OOSP2: variants seen among roughly 807,000 people sequenced by gnomAD.
OOSP2 encodes the protein oocyte secreted protein 2, also known as oocyte-secreted protein 2.
OOSP2 carries 7 observed loss-of-function variants against 13.4 expected under a neutral mutation model. The observed-to-expected ratio is 0.52, with a 90% confidence interval of 0.30 to 0.98. The LOEUF is 0.98. Among genes scored for constraint, OOSP2 ranks in the 50% least tolerant of loss-of-function variants. The probability of loss-of-function intolerance (pLI) is 0.07; values close to 1 mark genes in which losing one functional copy is unlikely to be tolerated. For synonymous variants in OOSP2, 75 were observed against 67.2 expected (o/e 1.12, Z -0.57); for missense variants, 184 against 188.5 (o/e 0.98, Z 0.14).
intron 2 of OOSP2, among the ~76,000 whole-genome samples, chr11:60,043,969 C>T (rs976523260): frequency 1.3e-5 from 2 of 152,198 alleles, no homozygotes; most frequent in African/African-American, 2.4e-5. Flanking sequence ...TCTTGGGAAG[C>T]TCCATCATGT....
At chr11:60,042,517 A>G (rs767226673) in intron 1 of OOSP2, among the ~76,000 whole-genome samples, 2 of 152,204 alleles carry the variant, frequency 1.3e-5, no homozygotes, top group East Asian at 3.8e-4. Context: ...TGTACCTTTT[A>G]ATGCTGAAAA....
chr11:60,045,823 TCTTCC>T (rs1855000523), intron 3 of OOSP2, among the ~76,000 whole-genome samples: 1 of 152,230 alleles, frequency 6.6e-6, no homozygotes. Flanking sequence ...ATACTTTTAC[TCTTCC>T]CTTTAACTTA....
chr11:60,042,987 C>T (rs1854956260), intron 1 of OOSP2, among the ~76,000 whole-genome samples: 1 of 152,024 alleles, frequency 6.6e-6, no homozygotes, highest in Non-Finnish European at 1.5e-5. Context: ...TCACTGCAAG[C>T]CCCGCCTCCT....
In OOSP2 at chr11:60,042,402, G is replaced by T. The variant is rs146991450; in HGVS notation, c.65-1067G>T. 3.1e-3 allele frequency among the ~76,000 whole-genome samples: 479 copies of T among 152,300 alleles called. 2 individuals carry two copies. The highest frequency in any genetic ancestry group is 0.01 in the African/African-American group (424 of 41,568). ...TTTGCCTCTACACCTTTTCTGAAAT[G>T]TGCATTGTCTTACCTTGTTGATGAT... On this transcript the variant is annotated intron_variant, in intron 1 of 3. Coordinates refer to ENST00000278855, the MANE Select transcript of OOSP2 (RefSeq NM_173801.5).
In OOSP2 at chr11:60,047,382, T is replaced by C. The variant is rs1161735214; in HGVS notation, c.*309T>C. 1 of 178,536 alleles carries C rather than the reference T, an allele frequency of 5.6e-6. No individual in the cohort carries two copies. The highest frequency in any genetic ancestry group is 2.4e-5 in the African/African-American group (1 of 42,526). The allele number at this position is 178,536 out of a possible 1,614,324, so 11.1% of individuals were successfully genotyped here. Reference sequence around the variant, plus strand: ...CTTCAAAGACAATGACTTGATCTAATTGATAAGAACCTCCAATAAATATGT... The same window carrying C: ...CTTCAAAGACAATGACTTGATCTAACTGATAAGAACCTCCAATAAATATGT... On this transcript the variant is annotated 3_prime_UTR_variant, in exon 4 of 4. Transcript: ENST00000278855.
At chr11:60,042,473 C>T (rs1445629966) in intron 1 of OOSP2, among the ~76,000 whole-genome samples, 2 of 152,168 alleles carry the variant, frequency 1.3e-5, no homozygotes, top group South Asian at 2.1e-4. Flanking sequence ...TGGTGGAGTC[C>T]TCTGTGGCCA....
At chr11:60,043,723 T>TA (rs1340898905) in intron 2 of OOSP2, 76 bp downstream of exon 2, 5 of 792,280 alleles carry the variant, frequency 6.3e-6, no homozygotes, top group Non-Finnish European at 1.0e-5. Flanking sequence ...AATTGTCTTT[T>TA]AAAAAAATAA....
intron 1 of OOSP2, among the ~76,000 whole-genome samples, chr11:60,042,416 CTTG>C (rs1854947385): frequency 6.6e-6 from 1 of 152,126 alleles, no homozygotes; most frequent in Non-Finnish European, 1.5e-5. Context: ...ATTGTCTTAC[CTTG>C]TTGATGATTT....
Position 60,047,163 on chromosome 11 carries a change from A to T in OOSP2, c.*90A>T. 1 of 1,079,506 alleles carries T rather than the reference A, an allele frequency of 9.3e-7. No individual in the cohort carries two copies. Among genetic ancestry groups the T allele is most frequent in the Admixed American group, 2.3e-5 (1 of 44,238 alleles). The allele number at this position is 1,079,506 out of a possible 1,614,324, so 66.9% of individuals were successfully genotyped here. A position where few individuals can be genotyped will look rare whatever the true frequency, so the allele number is the denominator to read the frequency against. On this transcript the variant is annotated 3_prime_UTR_variant, in exon 4 of 4. Transcript: ENST00000278855. ...TTCATAGCAAAAATATAGTTGGTGTATATCTCTCCTTAAGTCTCTGGTTTC... is the reference window on the plus strand; with the variant it reads ...TTCATAGCAAAAATATAGTTGGTGTTTATCTCTCCTTAAGTCTCTGGTTTC...
At chr11:60,046,887 A>C in intron 3 of OOSP2, 57 bp from the exon 4 acceptor site, 1 of 1,474,328 alleles carries the variant, frequency 6.8e-7, no homozygotes, top group Non-Finnish European at 9.5e-7. Context: ...CAGTGGTAAA[A>C]CTGACTTGAT....
intron 1 of OOSP2, among the ~76,000 whole-genome samples, chr11:60,042,546 G>T (rs1468118456): frequency 6.6e-6 from 1 of 152,106 alleles, no homozygotes; most frequent in Admixed American, 6.5e-5. Flanking sequence ...TCCTCCAAAT[G>T]AATCTATTGC....
intron 1 of OOSP2, among the ~76,000 whole-genome samples, chr11:60,040,740 C>T (rs944151785): frequency 6.6e-6 from 1 of 152,156 alleles, no homozygotes; most frequent in African/African-American, 2.4e-5. Flanking sequence ...TTCTCTCTCT[C>T]TCTGTTTTGG....
At chr11:60,046,219 C>CTCTG (rs149961943) in intron 3 of OOSP2, among the ~76,000 whole-genome samples, 33,807 of 151,704 alleles carry the variant, frequency 0.22, 4,357 homozygotes, top group East Asian at 0.41. Flanking sequence ...CTGTCTCTCT[C>CTCTG]TCTTTCTCCC....
chr11:60,046,122 T>C (rs1855005133), intron 3 of OOSP2, among the ~76,000 whole-genome samples: 1 of 151,456 alleles, frequency 6.6e-6, no homozygotes, highest in South Asian at 2.1e-4. Flanking sequence ...GGTCTGTCCC[T>C]GTCTCTCTGG....
At chr11:60,044,589 T>C (rs1854985456) in intron 2 of OOSP2, 82 bp from the exon 3 acceptor site, 2 of 605,036 alleles carry the variant, frequency 3.3e-6, no homozygotes, top group Admixed American at 5.3e-5. Context: ...AGATCATGAA[T>C]GTTTTTTACA....
Position 60,045,200 on chromosome 11 carries a change from G to GA in OOSP2, c.347+430dup, listed in dbSNP as rs576132241. Among the ~76,000 whole-genome samples, 452 of 152,166 alleles carry GA rather than the reference G, an allele frequency of 3.0e-3. 7 individuals carry two copies. The highest frequency in any genetic ancestry group is 0.011 in the African/African-American group (439 of 41,510). On this transcript the variant is annotated intron_variant, in intron 3 of 3. Transcript: ENST00000278855. ...TAAGAGTAAGTGGCTAAAAACATAA[G>GA]AAAATCAGTCCTTCATTTAATACTA...
At chr11:60,044,478 C>T (rs1449997936) in intron 2 of OOSP2, among the ~76,000 whole-genome samples, 193 bp from the exon 3 acceptor site, 1 of 152,180 alleles carries the variant, frequency 6.6e-6, no homozygotes, top group Non-Finnish European at 1.5e-5. Context: ...TTGTTTTGCC[C>T]CCAGGCATTT....
chr11:60,046,976 A>T lies in OOSP2; in HGVS notation c.380A>T (p.Glu127Val), dbSNP rs1855015562. The change falls in exon 4 of 4, where the codon GAG becomes GTG. Residue 127 changes from glutamate to valine, a missense_variant. Physicochemically the swap from Glu to Val is moderately radical, Grantham distance 121. Coordinates refer to ENST00000278855, the MANE Select transcript of OOSP2 (RefSeq NM_173801.5). ...KSVWLTPVST[E>V]NEIKLDPSPF... is the part of the protein sequence containing the mutation. The stretch of plus-strand genomic sequence containing the variant: ...GTGTGGCTTACACCAGTTTCTACTG[A>T]GAATGAAATAAAATTGGATCCTAGT... 4 of 1,609,246 alleles carry T rather than the reference A, an allele frequency of 2.5e-6. No homozygotes were observed. Among genetic ancestry groups the T allele is most frequent in the Non-Finnish European group, 3.4e-6 (4 of 1,175,624 alleles).
At position 60,044,706 on chromosome 11, in the gene OOSP2, G is replaced by T. The variant is rs1330353824; in HGVS notation, c.279G>T (p.Glu93Asp). The change falls in exon 3 of 4, where the codon GAG (glutamate) becomes GAT (aspartate). Residue 93 changes from glutamate to aspartate, a missense_variant. Glu to Asp is a conservative substitution (Grantham distance 45). Coordinates refer to ENST00000278855, the MANE Select transcript of OOSP2 (RefSeq NM_173801.5). ...VSEETLLFQTELYFTPRNIDH... is the reference protein window; with the variant it reads ...VSEETLLFQTDLYFTPRNIDH... Reference sequence around the variant, plus strand: ...AGGAAACTCTCCTTTTTCAAACCGAGCTGTACTTTACCCCAAGGAATATAG... The same window carrying T: ...AGGAAACTCTCCTTTTTCAAACCGATCTGTACTTTACCCCAAGGAATATAG... The T allele has an allele frequency of 1.2e-6, 2 of 1,602,028 alleles. No homozygotes were observed. Among genetic ancestry groups the T allele is most frequent in the Non-Finnish European group, 1.7e-6 (2 of 1,170,104 alleles).
Sources: gnomAD v4.1 joint callset for allele counts (sites outside exome capture counted in the v4.1 genomes callset) on GRCh38, gnomAD v4.1.1 for gene constraint, MANE v1.5 for transcripts, NCBI Gene and HGNC (gene_info 2026-07-23, HGNC 2026-07-21) for gene names.